The following ZMYM4 variants were observed in gnomAD, a reference collection of about 807,000 sequenced individuals.
The protein encoded by ZMYM4 is zinc finger MYM-type protein 4.
Under a neutral mutation model 183.2 loss-of-function variants are expected in ZMYM4, and 31 were observed. That is an observed-to-expected ratio of 0.17 (90% CI 0.13 to 0.23). The LOEUF (loss-of-function observed/expected upper bound fraction) is 0.23. Among genes scored for constraint, ZMYM4 ranks in the 10% least tolerant of loss-of-function variants. The pLI is 1.00. For missense variants in ZMYM4, 1,273 were observed against 1,840.3 expected (o/e 0.69, Z 5.64); for synonymous variants, 592 against 631.2 (o/e 0.94, Z 0.93).
At chr1:35,271,993 A>G (rs1291390156) in intron 1 of ZMYM4, among the ~76,000 whole-genome samples, 20 of 152,132 alleles carry the variant, frequency 1.3e-4, no homozygotes, top group Non-Finnish European at 1.5e-5. Flanking sequence ...CATAAATAAT[A>G]TTTTTTGATC....
At chr1:35,384,402 A>G (rs1644528676) in intron 9 of ZMYM4, among the ~76,000 whole-genome samples, 1 of 152,230 alleles carries the variant, frequency 6.6e-6, no homozygotes, top group Admixed American at 6.5e-5. Flanking sequence ...TTAAGAAGGA[A>G]GATTGCTCTT....
chr1:35,407,756 G>A (rs1206292926), intron 25 of ZMYM4, among the ~76,000 whole-genome samples: 1 of 152,132 alleles, frequency 6.6e-6, no homozygotes, highest in African/African-American at 2.4e-5. Flanking sequence ...TTCCCTGTTG[G>A]ATAGCCCTCA....
At chr1:35,366,390 A>G (rs1288744275) in intron 5 of ZMYM4, among the ~76,000 whole-genome samples, 1 of 152,218 alleles carries the variant, frequency 6.6e-6, no homozygotes. Flanking sequence ...TGCGGATGTC[A>G]TCGTTATTAT....
intron 2 of ZMYM4, among the ~76,000 whole-genome samples, chr1:35,346,893 C>T (rs1384695777): frequency 6.6e-6 from 1 of 152,120 alleles, no homozygotes; most frequent in Non-Finnish European, 1.5e-5. Flanking sequence ...TGACTTTTTG[C>T]ATTCTCCTTA....
chr1:35,315,087 T>G (rs1275122534), intron 1 of ZMYM4, among the ~76,000 whole-genome samples: 1 of 151,912 alleles, frequency 6.6e-6, no homozygotes, highest in African/African-American at 2.4e-5. Context: ...CTTTTTTTTT[T>G]TTTTAAAGCT....
chr1:35,372,070 C>A (rs1644226623), intron 7 of ZMYM4, among the ~76,000 whole-genome samples: 1 of 152,106 alleles, frequency 6.6e-6, no homozygotes, highest in South Asian at 2.1e-4. Flanking sequence ...ATTTTTATCT[C>A]CTGAGTGCTT....
rs1309206921 is a variant in ZMYM4, at chr1:35,370,364, T to G, written c.926-8T>G. ...TTTTTTTTTTTTTTTTTTTTTTTTT[T>G]TTTAAAGCTCCACAGTTGACTACTG... On this transcript the variant is annotated splice_region_variant and splice_polypyrimidine_tract_variant and intron_variant, in intron 6 of 29. Coordinates refer to ENST00000314607, the MANE Select transcript of ZMYM4 (RefSeq NM_005095.3). 1 of 1,421,776 alleles carries G rather than the reference T, an allele frequency of 7.0e-7. No homozygotes were observed. The highest frequency in any genetic ancestry group is 9.2e-7 in the Non-Finnish European group (1 of 1,088,760). 88.1% of individuals were successfully genotyped at this position (1,421,776 alleles called of 1,614,324 possible). A position where few individuals can be genotyped will look rare whatever the true frequency, so the allele number is the denominator to read the frequency against.
chr1:35,376,620 T>C (rs563530619), intron 7 of ZMYM4, among the ~76,000 whole-genome samples: 1 of 152,250 alleles, frequency 6.6e-6, no homozygotes, highest in African/African-American at 2.4e-5. Context: ...GCCTCCCAGG[T>C]TGAAGTGATT....
At chr1:35,346,203 A>G (rs1379974606) in intron 2 of ZMYM4, among the ~76,000 whole-genome samples, 1 of 152,068 alleles carries the variant, frequency 6.6e-6, no homozygotes, top group African/African-American at 2.4e-5. Flanking sequence ...GGTTTCTTCT[A>G]CCTTTTAGCT....
chr1:35,280,279 T>TCC (rs541873273), intron 1 of ZMYM4, among the ~76,000 whole-genome samples: 2 of 150,088 alleles, frequency 1.3e-5, no homozygotes, highest in South Asian at 4.3e-4. Context: ...TCTCTCTCTC[T>TCC]CCCTCTCTCT....
chr1:35,271,792 A>G (rs1203791048), intron 1 of ZMYM4, among the ~76,000 whole-genome samples: 2 of 152,148 alleles, frequency 1.3e-5, no homozygotes, highest in African/African-American at 4.8e-5. Context: ...TCACAGAGGA[A>G]AATTACATTC....
intron 7 of ZMYM4, among the ~76,000 whole-genome samples, chr1:35,371,047 C>CCTTA (rs1257019461): frequency 4.1e-5 from 6 of 147,680 alleles, no homozygotes; most frequent in African/African-American, 1.5e-4. Context: ...TTCTTCTTAA[C>CCTTA]CTTAAATGGC....
intron 1 of ZMYM4, among the ~76,000 whole-genome samples, chr1:35,283,801 C>T (rs931345415): frequency 4.6e-5 from 7 of 151,960 alleles, no homozygotes; most frequent in Non-Finnish European, 1.0e-4. Flanking sequence ...GTCCTTTGTG[C>T]ATGTTTTTTA....
chr1:35,289,831 T>C (rs1640673427), intron 1 of ZMYM4, among the ~76,000 whole-genome samples: 1 of 152,230 alleles, frequency 6.6e-6, no homozygotes, highest in Non-Finnish European at 1.5e-5. Context: ...CAGATACTTT[T>C]ACCATATATC....
intron 2 of ZMYM4, among the ~76,000 whole-genome samples, chr1:35,345,900 A>G (rs1038494694): frequency 6.6e-6 from 1 of 152,174 alleles, no homozygotes; most frequent in Non-Finnish European, 1.5e-5. Context: ...AATGCTTTTC[A>G]TTTTGCGAAA....
chr1:35,372,020 G>A (rs1644225609), intron 7 of ZMYM4, among the ~76,000 whole-genome samples: 1 of 152,112 alleles, frequency 6.6e-6, no homozygotes. Flanking sequence ...TATCTTTCAA[G>A]CTAATTACAC....
intron 1 of ZMYM4, among the ~76,000 whole-genome samples, chr1:35,289,518 G>A (rs776024578): frequency 6.6e-6 from 1 of 152,070 alleles, no homozygotes; most frequent in Non-Finnish European, 1.5e-5. Context: ...GGATGAAGGA[G>A]GAAGCTATTA....
In ZMYM4 at chr1:35,268,923, C is replaced by T; in HGVS notation, c.-124C>T. On this transcript the variant is annotated 5_prime_UTR_variant, in exon 1 of 30. Transcript: ENST00000314607. ...CCCCCTCCCCACTCTCGGCGCAAGG[C>T]CCGGCCGGGTCCGGGGAAGCTGCCG... 1 of 1,159,960 alleles carries T rather than the reference C, an allele frequency of 8.6e-7. No individual in the cohort carries two copies. Among genetic ancestry groups the T allele is most frequent in the Non-Finnish European group, 1.1e-6 (1 of 901,302 alleles). 71.9% of individuals were successfully genotyped at this position (1,159,960 alleles called of 1,614,324 possible).
chr1:35,315,195 A>G (rs1376962859), intron 1 of ZMYM4, among the ~76,000 whole-genome samples: 1 of 151,106 alleles, frequency 6.6e-6, no homozygotes. Context: ...AAGTTTTTTC[A>G]TTAAAATATA....
Sources: gnomAD v4.1 joint callset for allele counts (sites outside exome capture counted in the v4.1 genomes callset) on GRCh38, gnomAD v4.1.1 for gene constraint, MANE v1.5 for transcripts, NCBI Gene and HGNC (gene_info 2026-07-23, HGNC 2026-07-21) for gene names.